The following EFNA5 variants were observed in gnomAD, a reference collection of about 807,000 sequenced individuals.
EFNA5 encodes ephrin-A5.
A neutral mutation model predicts 22.9 loss-of-function variants in EFNA5; 5 were observed. The observed-to-expected ratio is 0.22, with a 90% CI of 0.11 to 0.46. The LOEUF is 0.46. Among genes scored for constraint, EFNA5 ranks in the 20% least tolerant of loss-of-function variants. The pLI is 0.99. For synonymous variants in EFNA5, 113 were observed against 112.2 expected (o/e 1.01, Z -0.04); for missense variants, 237 against 293.3 (o/e 0.81, Z 1.40).
intron 1 of EFNA5, among the ~76,000 whole-genome samples, chr5:107,442,929 TAAAAAAAAAAAAAAA>T (rs544741414): frequency 1.2e-5 from 1 of 82,352 alleles, no homozygotes; most frequent in Admixed American, 1.4e-4. Flanking sequence ...CCCCAGGTAC[TAAAAAAAAAAAAAAA>T]AAAAAAAAAC....
chr5:107,489,070 G>A (rs1171572549), intron 1 of EFNA5, among the ~76,000 whole-genome samples: 1 of 152,102 alleles, frequency 6.6e-6, no homozygotes, highest in Admixed American at 6.6e-5. Context: ...ATAAAATATG[G>A]ATTTAAAATT....
intron 1 of EFNA5, among the ~76,000 whole-genome samples, chr5:107,641,032 A>T (rs1750495575): frequency 6.6e-6 from 1 of 151,248 alleles, no homozygotes; most frequent in South Asian, 2.1e-4. Flanking sequence ...AGACAGACAG[A>T]CAGACAGATA....
chr5:107,397,566 G>A (rs1386546389), intron 2 of EFNA5, among the ~76,000 whole-genome samples: 2 of 151,798 alleles, frequency 1.3e-5, no homozygotes, highest in African/African-American at 4.8e-5. Context: ...AAAGGGTGGG[G>A]GTAATTATCT....
intron 1 of EFNA5, among the ~76,000 whole-genome samples, chr5:107,637,374 T>C (rs973270637): frequency 1.3e-5 from 2 of 152,130 alleles, no homozygotes; most frequent in African/African-American, 4.8e-5. Context: ...CCAGCATCTG[T>C]CAAGAAAATC....
chr5:107,493,008 T>A (rs1000254073), intron 1 of EFNA5, among the ~76,000 whole-genome samples: 2 of 149,152 alleles, frequency 1.3e-5, no homozygotes, highest in African/African-American at 5.0e-5. Context: ...AAAAAAAAAA[T>A]ACATCTTTAA....
chr5:107,599,618 A>G (rs982028853), intron 1 of EFNA5, among the ~76,000 whole-genome samples: 37 of 152,258 alleles, frequency 2.4e-4, no homozygotes, highest in African/African-American at 8.4e-4. Context: ...CCAATTAGAA[A>G]TCGATAGAAA....
chr5:107,664,396 T>C (rs1035758554), intron 1 of EFNA5, among the ~76,000 whole-genome samples: 6 of 152,186 alleles, frequency 3.9e-5, no homozygotes, highest in Non-Finnish European at 7.3e-5. Flanking sequence ...ATAAATCTCC[T>C]AGTAGTGAGT....
At chr5:107,609,471 G>A (rs2112519385) in intron 1 of EFNA5, among the ~76,000 whole-genome samples, 1 of 152,168 alleles carries the variant, frequency 6.6e-6, no homozygotes, top group East Asian at 1.9e-4. Context: ...AGCGGCAGGA[G>A]TAGTAGATCC....
At chr5:107,556,253 C>T (rs1366041359) in intron 1 of EFNA5, among the ~76,000 whole-genome samples, 1 of 152,202 alleles carries the variant, frequency 6.6e-6, no homozygotes, top group African/African-American at 2.4e-5. Flanking sequence ...ATTTAATCCA[C>T]ACTTCCTATG....
chr5:107,463,104 T>C (rs1466817197), intron 1 of EFNA5, among the ~76,000 whole-genome samples: 3 of 152,298 alleles, frequency 2.0e-5, no homozygotes, highest in African/African-American at 7.2e-5. Context: ...GCTCCAGTTC[T>C]ATAGTCTTTA....
At chr5:107,433,495 G>T (rs1453371532) in intron 1 of EFNA5, among the ~76,000 whole-genome samples, 2 of 152,240 alleles carry the variant, frequency 1.3e-5, no homozygotes, top group Non-Finnish European at 2.9e-5. Context: ...TGGGATTAGA[G>T]CTGAAAAAGT....
chr5:107,471,435 T>A (rs1580474174), intron 1 of EFNA5, among the ~76,000 whole-genome samples: 1 of 152,314 alleles, frequency 6.6e-6, no homozygotes, highest in African/African-American at 2.4e-5. Flanking sequence ...TTACACTTAA[T>A]GTGTGCAGTT....
chr5:107,517,057 G>A (rs574731124), intron 1 of EFNA5, among the ~76,000 whole-genome samples: 6 of 151,716 alleles, frequency 4.0e-5, no homozygotes, highest in African/African-American at 1.5e-4. Flanking sequence ...ATTATATCGT[G>A]ATGACTGGAT....
chr5:107,569,068 C>A (rs1020073017), intron 1 of EFNA5, among the ~76,000 whole-genome samples: 1 of 151,996 alleles, frequency 6.6e-6, no homozygotes, highest in African/African-American at 2.4e-5. Flanking sequence ...AGCAAAGATA[C>A]GCATAGTTAA....
chr5:107,445,073 A>G (rs1163112977), intron 1 of EFNA5, among the ~76,000 whole-genome samples: 1 of 152,200 alleles, frequency 6.6e-6, no homozygotes, highest in Non-Finnish European at 1.5e-5. Context: ...ACCAGGCTGC[A>G]GTGCAGTGGT....
At chr5:107,640,406 T>C (rs1196208836) in intron 1 of EFNA5, among the ~76,000 whole-genome samples, 1 of 152,192 alleles carries the variant, frequency 6.6e-6, no homozygotes, top group Non-Finnish European at 1.5e-5. Context: ...CCAAAATGAT[T>C]TGTAGAATTA....
Position 107,631,863 on chromosome 5 carries a change from A to G in EFNA5, c.125+38626T>C, listed in dbSNP as rs1408665993. On this transcript the variant is annotated intron_variant, in intron 1 of 4. Coordinates refer to ENST00000333274, the MANE Select transcript of EFNA5 (RefSeq NM_001962.3). ...GATGTTTTGTATTTATATGCAATTTATTAGGTTTCAATTTGATTTTTTTCA... is the reference window on the plus strand; with the variant it reads ...GATGTTTTGTATTTATATGCAATTTGTTAGGTTTCAATTTGATTTTTTTCA... Among the ~76,000 whole-genome samples, 3 of 152,226 alleles carry G rather than the reference A, an allele frequency of 2.0e-5. No individual in the cohort carries two copies. In the South Asian group the frequency reaches 6.2e-4, roughly 31 times the overall value.
At chr5:107,447,465 G>T (rs1749427236) in intron 1 of EFNA5, among the ~76,000 whole-genome samples, 1 of 152,134 alleles carries the variant, frequency 6.6e-6, no homozygotes, top group South Asian at 2.1e-4. Context: ...CTCAGGCTTT[G>T]TACTTAAAGG....
At chr5:107,423,093 G>C (rs1182042113) in intron 2 of EFNA5, among the ~76,000 whole-genome samples, 1 of 152,072 alleles carries the variant, frequency 6.6e-6, no homozygotes, top group African/African-American at 2.4e-5. Context: ...AAAGCTCCAA[G>C]AATTTCTGAA....
Sources: gnomAD v4.1 joint callset for allele counts (sites outside exome capture counted in the v4.1 genomes callset) on GRCh38, gnomAD v4.1.1 for gene constraint, MANE v1.5 for transcripts, NCBI Gene and HGNC (gene_info 2026-07-23, HGNC 2026-07-21) for gene names.